Variants in FBXL17 observed in about 807,000 individuals in gnomAD.
FBXL17 encodes F-box/LRR-repeat protein 17.
A neutral mutation model predicts 66.2 loss-of-function variants in FBXL17; 22 were observed. The observed-to-expected ratio is 0.33, with a 90% confidence interval of 0.24 to 0.47. The LOEUF is 0.47. Among genes scored for constraint, FBXL17 ranks in the 20% least tolerant of loss-of-function variants. FBXL17 has a pLI of 1.00. For missense variants in FBXL17, 878 were observed against 948.2 expected (o/e 0.93, Z 0.97); for synonymous variants, 474 against 400.5 (o/e 1.18, Z -2.19).
chr5:108,357,666 C>T (rs910394922), intron 3 of FBXL17, among the ~76,000 whole-genome samples: 1 of 151,372 alleles, frequency 6.6e-6, no homozygotes, highest in African/African-American at 2.4e-5. Flanking sequence ...AAATAAAAAT[C>T]GATTACAGGA....
intron 7 of FBXL17, among the ~76,000 whole-genome samples, chr5:107,889,057 C>G (rs536312104): frequency 6.6e-6 from 1 of 151,988 alleles, no homozygotes; most frequent in Non-Finnish European, 1.5e-5. Flanking sequence ...AGTACCTTCT[C>G]GTGGGTTTTA....
intron 4 of FBXL17, among the ~76,000 whole-genome samples, chr5:108,334,723 G>T (rs992160211): frequency 2.0e-5 from 3 of 152,136 alleles, no homozygotes; most frequent in African/African-American, 7.2e-5. Flanking sequence ...TAGAAAGTTT[G>T]TTTAAAATCC....
intron 6 of FBXL17, among the ~76,000 whole-genome samples, chr5:108,025,725 GCGCA>G (rs1241403685): frequency 6.3e-4 from 76 of 120,630 alleles, no homozygotes; most frequent in East Asian, 2.4e-3. Flanking sequence ...ACACGCGCGC[GCGCA>G]CACACACACA....
At chr5:107,879,438 T>C in intron 8 of FBXL17, 2 of 985,462 alleles carry the variant, frequency 2.0e-6, no homozygotes. Context: ...GAAAGATTTG[T>C]GGGAGACTCG....
chr5:108,242,218 T>A (rs538453832), intron 4 of FBXL17, among the ~76,000 whole-genome samples: 4 of 152,230 alleles, frequency 2.6e-5, no homozygotes, highest in South Asian at 4.2e-4. Flanking sequence ...ACAACAACTT[T>A]TCAAGATATA....
chr5:108,307,914 T>G (rs1010319781), intron 4 of FBXL17, among the ~76,000 whole-genome samples: 2 of 152,166 alleles, frequency 1.3e-5, no homozygotes, highest in Admixed American at 6.6e-5. Context: ...CTTTTATCTA[T>G]GTGTATATGT....
At chr5:108,187,251 C>T (rs562558496) in intron 5 of FBXL17, among the ~76,000 whole-genome samples, 75 of 152,266 alleles carry the variant, frequency 4.9e-4, no homozygotes, top group African/African-American at 1.8e-3. Context: ...AAATAAGCTA[C>T]CTTTTCAAAT....
At chr5:108,282,391 T>C (rs1757735684) in intron 4 of FBXL17, among the ~76,000 whole-genome samples, 1 of 151,762 alleles carries the variant, frequency 6.6e-6, no homozygotes, top group Admixed American at 6.6e-5. Context: ...TGATGTATCA[T>C]ATAAACAGGA....
chr5:108,301,772 C>A (rs1182685637), intron 4 of FBXL17, among the ~76,000 whole-genome samples: 2 of 151,460 alleles, frequency 1.3e-5, no homozygotes, highest in Non-Finnish European at 3.0e-5. Flanking sequence ...TTTAGGACAA[C>A]CATCAAAAAT....
At chr5:108,120,790 G>A (rs902723477) in intron 6 of FBXL17, among the ~76,000 whole-genome samples, 1 of 152,164 alleles carries the variant, frequency 6.6e-6, no homozygotes, top group Admixed American at 6.5e-5. Flanking sequence ...CTAGGAGGCA[G>A]AGCAAGACTC....
At chr5:107,916,868 G>A (rs977872089) in intron 7 of FBXL17, among the ~76,000 whole-genome samples, 4 of 152,028 alleles carry the variant, frequency 2.6e-5, no homozygotes, top group African/African-American at 4.8e-5. Flanking sequence ...TTTTGTTTTC[G>A]GAATTAAAAA....
intron 7 of FBXL17, among the ~76,000 whole-genome samples, chr5:107,999,973 C>T (rs10515382): frequency 0.024 from 3,705 of 152,240 alleles, 147 homozygotes; most frequent in African/African-American, 0.079. Context: ...TGGGTAGAAA[C>T]TAGGAAATCC....
chr5:108,300,619 A>G (rs1048339167), intron 4 of FBXL17, among the ~76,000 whole-genome samples: 1 of 151,834 alleles, frequency 6.6e-6, no homozygotes, highest in African/African-American at 2.4e-5. Context: ...GTTTTATTTC[A>G]CTATTGTAGC....
chr5:107,926,969 G>A (rs1750543489), intron 7 of FBXL17, among the ~76,000 whole-genome samples: 1 of 151,872 alleles, frequency 6.6e-6, no homozygotes, highest in Non-Finnish European at 1.5e-5. Context: ...TGAAAATAAA[G>A]CAATAAGGGA....
chr5:108,381,474 G>T lies in FBXL17; in HGVS notation c.218C>A (p.Pro73His). Reference protein sequence around the residue: ...FIVHSPGAPAPAGPEEEPPLS... With the variant: ...FIVHSPGAPAHAGPEEEPPLS... ...CGGCGGCTCCTCCTCTGGGCCGGCG[G>T]GGGCGGGCGCGCCGGGACTGTGCAC... Residue 73 changes from proline to histidine, a missense_variant, in exon 1 of 9, where the codon CCC becomes CAC. Pro to His is a moderately conservative substitution (Grantham distance 77). This residue lies in a region of FBXL17 where 605 missense variants were observed against 509.5 expected (regional missense o/e 1.19). Transcript: ENST00000542267. The T allele has an allele frequency of 7.6e-7, 1 of 1,322,688 alleles. No homozygotes were observed. Among genetic ancestry groups the T allele is most frequent in the Non-Finnish European group, 9.6e-7 (1 of 1,042,888 alleles). 81.9% of individuals were successfully genotyped at this position (1,322,688 alleles called of 1,614,324 possible). A position where few individuals can be genotyped will look rare whatever the true frequency, so the allele number is the denominator to read the frequency against.
chr5:107,901,252 A>G (rs987046174), intron 7 of FBXL17, among the ~76,000 whole-genome samples: 5 of 152,226 alleles, frequency 3.3e-5, no homozygotes, highest in Admixed American at 1.3e-4. Flanking sequence ...ACAGTGGGTT[A>G]CTTCATGTGA....
chr5:107,916,051 A>C (rs1440939846), intron 7 of FBXL17, among the ~76,000 whole-genome samples: 1 of 152,200 alleles, frequency 6.6e-6, no homozygotes, highest in Non-Finnish European at 1.5e-5. Flanking sequence ...GCAGTCTAAT[A>C]AGAATATAAC....
chr5:108,114,267 C>T (rs539169026), intron 6 of FBXL17, among the ~76,000 whole-genome samples: 5 of 152,158 alleles, frequency 3.3e-5, no homozygotes, highest in Admixed American at 1.3e-4. Flanking sequence ...GCATAGTAAC[C>T]ATTTGCTTAC....
At chr5:107,879,043 G>A (rs1561514935) in intron 8 of FBXL17, 1 of 985,410 alleles carries the variant, frequency 1.0e-6, no homozygotes, top group Non-Finnish European at 1.2e-6. Flanking sequence ...TTTGCATTTG[G>A]GTAGAAAATA....
Sources: gnomAD v4.1 joint callset for allele counts (sites outside exome capture counted in the v4.1 genomes callset) on GRCh38, gnomAD v4.1.1 for gene constraint, gnomAD v4.1.1 regional missense constraint, MANE v1.5 for transcripts, NCBI Gene and HGNC (gene_info 2026-07-23, HGNC 2026-07-21) for gene names.